Variants in LRCH2 observed in about 807,000 individuals in gnomAD.
The protein encoded by LRCH2 is leucine rich repeats and calponin homology domain containing 2.
LRCH2 carries 38 observed loss-of-function variants against 68.9 expected under a neutral mutation model. The ratio of observed to expected loss-of-function variants is 0.55; its 90% CI spans 0.43 to 0.72. The LOEUF (loss-of-function observed/expected upper bound fraction) is 0.72, where lower values mean the gene tolerates loss of function less well. Ranked by LOEUF, LRCH2 falls within the 30% of genes least tolerant of loss-of-function variation. The probability of loss-of-function intolerance (pLI) is 0.00; values close to 1 mark genes in which losing one functional copy is unlikely to be tolerated. For missense variants in LRCH2, 528 were observed against 572.9 expected, an observed-to-expected ratio of 0.92 and a Z score of 0.80; for synonymous variants, 191 against 208.1, an observed-to-expected ratio of 0.92 and a Z score of 0.71.
At chrX:115,130,018 T>A (rs2072229602) in intron 15 of LRCH2, 137 bp downstream of exon 15, 1 of 375,236 alleles carries the variant, frequency 2.7e-6, no homozygotes, top group South Asian at 5.2e-5. Context: ...TGCTCATATG[T>A]TTTTATTGTT....
chrX:115,191,147 C>T, intron 1 of LRCH2: 1 of 1,163,231 alleles, frequency 8.6e-7, no homozygotes, highest in Non-Finnish European at 1.1e-6. Flanking sequence ...GGCTGCTCTG[C>T]CGACGCCTAC....
intron 1 of LRCH2, chrX:115,189,585 G>A (rs62601525): frequency 0.14 from 167,411 of 1,169,871 alleles, 9,073 homozygotes; most frequent in Non-Finnish European, 0.16. Flanking sequence ...CCAACAAGTC[G>A]AGGGGCTTCG....
intron 11 of LRCH2, among the ~76,000 whole-genome samples, chrX:115,159,293 T>G (rs2147381604): frequency 9.0e-6 from 1 of 110,838 alleles, no homozygotes; most frequent in South Asian, 3.8e-4. Context: ...AAGACTTGTT[T>G]TTATTTCCCA....
chrX:115,190,093 G>T (rs781893493), intron 1 of LRCH2: 36 of 1,154,063 alleles, frequency 3.1e-5, no homozygotes, highest in Non-Finnish European at 4.0e-5. Context: ...TCGCATTGGC[G>T]GCAGTGGAAT....
intron 20 of LRCH2, 43 bp from the exon 21 acceptor site, chrX:115,113,378 G>A: frequency 9.5e-7 from 1 of 1,054,211 alleles, no homozygotes; most frequent in South Asian, 2.6e-5. Context: ...TTTTTTAGAA[G>A]TGTAATAAAA....
intron 14 of LRCH2, among the ~76,000 whole-genome samples, chrX:115,141,651 A>C (rs782063669): frequency 3.7e-4 from 41 of 109,997 alleles, no homozygotes; most frequent in African/African-American, 1.2e-3. Flanking sequence ...GGATCACTTG[A>C]GGTCAGGAGT....
chrX:115,221,743 T>A (rs1556573972), intron 1 of LRCH2, among the ~76,000 whole-genome samples: 4 of 111,634 alleles, frequency 3.6e-5, no homozygotes, highest in African/African-American at 1.3e-4. Context: ...AGAAAAGTTA[T>A]TAAATTGATG....
In LRCH2 at chrX:115,188,343, A is replaced by T. The variant is rs2072749637; in HGVS notation, c.377T>A (p.Ile126Asn). Reference protein sequence around the residue: ...ADLSRNRFTEIPSDVWLFAPL... With the variant: ...ADLSRNRFTENPSDVWLFAPL... ...TGCAAATAACCAGACATCAGAAGGA[A>T]TTTCTGTAAAACGATTTCTGGAAAG... is the stretch of plus-strand genomic sequence containing the variant. Residue 126 changes from isoleucine (I) to asparagine (N), a missense_variant, in exon 2 of 21, where the codon ATT (isoleucine) becomes AAT (asparagine). Physicochemically the swap from Ile to Asn is moderately radical, Grantham distance 149. Transcript: ENST00000317135. 1 of 1,186,054 alleles carries T rather than the reference A, an allele frequency of 8.4e-7. No individual in the cohort carries two copies. Among genetic ancestry groups the T allele is most frequent in the African/African-American group, 1.8e-5 (1 of 56,388 alleles).
intron 20 of LRCH2, among the ~76,000 whole-genome samples, chrX:115,121,058 T>C (rs1443592178): frequency 5.6e-5 from 6 of 106,598 alleles, no homozygotes; most frequent in African/African-American, 2.1e-4. Flanking sequence ...CATTGGGAGA[T>C]ATACCTAATG....
intron 14 of LRCH2, among the ~76,000 whole-genome samples, chrX:115,148,076 A>AAAAAATT (rs1271369548): frequency 1.1e-4 from 12 of 111,498 alleles, no homozygotes; most frequent in African/African-American, 3.9e-4. Flanking sequence ...TCTCTTAAAA[A>AAAAAATT]AAAAAATTAA....
chrX:115,193,522 A>G (rs1218348323), intron 1 of LRCH2, among the ~76,000 whole-genome samples: 1 of 112,354 alleles, frequency 8.9e-6, no homozygotes, highest in Non-Finnish European at 1.9e-5. Flanking sequence ...AGTACACACA[A>G]ATATACTTCC....
intron 3 of LRCH2, among the ~76,000 whole-genome samples, chrX:115,180,715 A>C (rs2072685315): frequency 8.9e-6 from 1 of 111,973 alleles, no homozygotes; most frequent in African/African-American, 3.2e-5. Flanking sequence ...GTAGGGAAGA[A>C]TATAATAATG....
At chrX:115,138,102 C>A (rs1278221122) in intron 14 of LRCH2, among the ~76,000 whole-genome samples, 1 of 106,648 alleles carries the variant, frequency 9.4e-6, no homozygotes, top group Admixed American at 1.0e-4. Flanking sequence ...CTTCTCCAGG[C>A]CCCCCTTTCT....
chrX:115,210,239 C>T (rs376465163), intron 1 of LRCH2, among the ~76,000 whole-genome samples: 162 of 111,473 alleles, frequency 1.5e-3, no homozygotes, highest in African/African-American at 5.1e-3. Flanking sequence ...GGACTGAAGG[C>T]CTAGGATGAA....
intron 14 of LRCH2, among the ~76,000 whole-genome samples, chrX:115,134,021 T>C (rs185358785): frequency 8.9e-6 from 1 of 112,343 alleles, no homozygotes; most frequent in East Asian, 2.8e-4. Flanking sequence ...GTAAAAGTGC[T>C]ACTCATTCCA....
chrX:115,231,797 C>T (rs2073154535), intron 1 of LRCH2, among the ~76,000 whole-genome samples: 1 of 111,735 alleles, frequency 8.9e-6, no homozygotes, highest in South Asian at 3.7e-4. Context: ...AAGTATATGG[C>T]TTACACCCTG....
At chrX:115,123,454 T>G (rs2072161046) in intron 17 of LRCH2, among the ~76,000 whole-genome samples, 1 of 112,055 alleles carries the variant, frequency 8.9e-6, no homozygotes, top group African/African-American at 3.2e-5. Context: ...TGGCCCAGGT[T>G]AAAAATGATT....
At chrX:115,123,678 T>C (rs1302666141) in intron 17 of LRCH2, among the ~76,000 whole-genome samples, 1 of 111,199 alleles carries the variant, frequency 9.0e-6, no homozygotes, top group Non-Finnish European at 1.9e-5. Context: ...GCTGGCAGAG[T>C]GGTCATTCTA....
Position 115,149,824 on chromosome X carries a change from T to G in LRCH2, c.1695+3A>C, listed in dbSNP as rs1556537722. The G allele has an allele frequency of 5.5e-6, 6 of 1,087,082 alleles. No individual in the cohort carries two copies. The highest frequency in any genetic ancestry group is 7.5e-6 in the Non-Finnish European group (6 of 797,971). 89.6% of individuals were successfully genotyped at this position (1,087,082 alleles called of 1,213,427 possible). ...GTAAATTTAAAAACTTAATATAGAG[T>G]ACCTTGAAATATTCTTTTCTAATCT... On this transcript the variant is annotated splice_donor_region_variant and intron_variant, in intron 14 of 20. Transcript: ENST00000317135.
Sources: allele counts gnomAD v4.1 joint callset (sites outside exome capture counted in the v4.1 genomes callset), GRCh38; gene constraint gnomAD v4.1.1; transcripts MANE v1.5; gene names NCBI Gene and HGNC (gene_info 2026-07-23, HGNC 2026-07-21).